GPATCH2: variants seen among roughly 807,000 people sequenced by gnomAD.
GPATCH2 encodes the protein G patch domain-containing protein 2.
GPATCH2 carries 51 observed loss-of-function variants against 58.0 expected under a neutral mutation model. The ratio of observed to expected loss-of-function variants is 0.88; its 90% CI spans 0.70 to 1.11. The LOEUF is 1.11. GPATCH2 is among the 50% of genes most tolerant of loss of function. GPATCH2 has a pLI of 0.00. For missense variants in GPATCH2, 625 were observed against 652.2 expected (o/e 0.96, Z 0.45); for synonymous variants, 222 against 218.5 (o/e 1.02, Z -0.14).
In GPATCH2 at chr1:217,600,902, T is replaced by C. The variant is rs560356866; in HGVS notation, c.1098+9419A>G. On this transcript the variant is annotated intron_variant, in intron 5 of 9. Transcript: ENST00000366935. ...ACGTATTTTTAGAAAACCTTACATT[T>C]GCAAATTCAATGTTTTTAAAGACAT... 2.4e-4 allele frequency among the ~76,000 whole-genome samples: 37 copies of C among 152,222 alleles called. 1 individual carries two copies. Among genetic ancestry groups the C allele is most frequent in the African/African-American group, 8.9e-4 (37 of 41,576 alleles).
intron 1 of GPATCH2, among the ~76,000 whole-genome samples, chr1:217,629,755 A>T (rs1669647870): frequency 1.3e-5 from 2 of 152,222 alleles, no homozygotes; most frequent in Non-Finnish European, 2.9e-5. Flanking sequence ...AAACTGGTTC[A>T]TTTAAAAAAT....
In GPATCH2 at chr1:217,430,911, A is replaced by T; in HGVS notation, c.*234T>A. On this transcript the variant is annotated 3_prime_UTR_variant, in exon 10 of 10. Coordinates refer to ENST00000366935, the MANE Select transcript of GPATCH2 (RefSeq NM_018040.5). ...GAAACGAGCTGCTCTTTATACCTAG[A>T]AATAGCTGGAAATTACTGAAAAAAA... The T allele has an allele frequency of 1.8e-6, 1 of 555,024 alleles. No individual in the cohort carries two copies. The highest frequency in any genetic ancestry group is 3.2e-6 in the Non-Finnish European group (1 of 312,486). The allele number at this position is 555,024 out of a possible 1,614,324, so 34.4% of individuals were successfully genotyped here.
At chr1:217,553,131 T>C (rs1489359532) in intron 5 of GPATCH2, among the ~76,000 whole-genome samples, 2 of 152,040 alleles carry the variant, frequency 1.3e-5, no homozygotes, top group African/African-American at 2.4e-5. Flanking sequence ...ATCATTTCCC[T>C]TAAAAGACAG....
rs1475087709 is a variant in GPATCH2 at position 217,429,051 on chromosome 1, G to A, written c.*2094C>T. The A allele has an allele frequency of 6.6e-6, 1 of 152,056 alleles. No individual in the cohort carries two copies. The highest frequency in any genetic ancestry group is 2.4e-5 in the African/African-American group (1 of 41,400). The allele number at this position is 152,056 out of a possible 1,614,324, so 9.4% of individuals were successfully genotyped here. A position where few individuals can be genotyped will look rare whatever the true frequency, so the allele number is the denominator to read the frequency against. ...GTTTGCTCTCAGTGGCTTCAAACTT[G>A]GCTTTTTGAGATTCTAGGATTTTAG... On this transcript the variant is annotated 3_prime_UTR_variant, in exon 10 of 10. Transcript: ENST00000366935.
chr1:217,536,602 T>TA (rs1259058786), intron 5 of GPATCH2, among the ~76,000 whole-genome samples: 1 of 152,180 alleles, frequency 6.6e-6, no homozygotes, highest in African/African-American at 2.4e-5. Flanking sequence ...GCTTGCTTTC[T>TA]AGTAATTAGA....
chr1:217,611,207 T>C (rs983572469), intron 3 of GPATCH2, 136 bp from the exon 4 acceptor site: 19 of 737,290 alleles, frequency 2.6e-5, no homozygotes, highest in East Asian at 2.1e-4. Context: ...ACTTTTAATA[T>C]AAGTATTATA....
intron 1 of GPATCH2, among the ~76,000 whole-genome samples, chr1:217,624,873 T>C (rs1669375733): frequency 1.3e-5 from 2 of 152,326 alleles, no homozygotes; most frequent in East Asian, 1.9e-4. Flanking sequence ...ACAGTTAATA[T>C]TGGGTAATAT....
chr1:217,547,683 C>A (rs2102659265), intron 5 of GPATCH2, among the ~76,000 whole-genome samples: 1 of 152,280 alleles, frequency 6.6e-6, no homozygotes, highest in South Asian at 2.1e-4. Context: ...GAATACTATG[C>A]ACCCATAAAA....
intron 8 of GPATCH2, among the ~76,000 whole-genome samples, chr1:217,471,062 T>C (rs1660704090): frequency 6.6e-6 from 1 of 151,956 alleles, no homozygotes; most frequent in Non-Finnish European, 1.5e-5. Context: ...ACTTTTAAAG[T>C]TAGTTTAAAA....
chr1:217,597,056 T>C (rs1667866512), intron 5 of GPATCH2, among the ~76,000 whole-genome samples: 1 of 151,878 alleles, frequency 6.6e-6, no homozygotes, highest in East Asian at 1.9e-4. Flanking sequence ...AGGCCAGGTG[T>C]GGTGGCTCAT....
rs1227691894 is a variant in GPATCH2 at position 217,619,946 on chromosome 1, AT to A, written c.609del (p.Glu203AspfsTer12). ...MDSDRAYQYQ[E>X]FTKNKVKKRK... ...CTTTTTTTGACTTTGTTCTTGGTAA[AT>A]TCTTGATACTGGTAGGCTCTATCAC... On this transcript the variant is annotated frameshift_variant, in exon 2 of 10. Coordinates refer to ENST00000366935, the MANE Select transcript of GPATCH2 (RefSeq NM_018040.5). LOFTEE classifies it high-confidence loss of function. 2 of 1,613,652 alleles carry A rather than the reference AT, an allele frequency of 1.2e-6. No individual in the cohort carries two copies. The highest frequency in any genetic ancestry group is 1.7e-6 in the Non-Finnish European group (2 of 1,179,954).
chr1:217,448,487 A>G (rs1023779380), intron 9 of GPATCH2, among the ~76,000 whole-genome samples: 2 of 152,170 alleles, frequency 1.3e-5, no homozygotes, highest in South Asian at 2.1e-4. Context: ...GCTTCCTCCT[A>G]TCACTGACTT....
At chr1:217,479,939 G>A (rs563289151) in intron 8 of GPATCH2, among the ~76,000 whole-genome samples, 9 of 151,638 alleles carry the variant, frequency 5.9e-5, no homozygotes, top group Non-Finnish European at 1.0e-4. Context: ...ATGATAAAGG[G>A]GTCAATTCAG....
chr1:217,539,474 C>T (rs1173585047), intron 5 of GPATCH2, among the ~76,000 whole-genome samples: 2 of 152,160 alleles, frequency 1.3e-5, no homozygotes, highest in Non-Finnish European at 2.9e-5. Flanking sequence ...TTTTGTTCCT[C>T]TTGTCCTACA....
intron 5 of GPATCH2, among the ~76,000 whole-genome samples, chr1:217,559,402 G>A (rs568744373): frequency 2.0e-5 from 3 of 151,466 alleles, no homozygotes; most frequent in East Asian, 1.9e-4. Context: ...AGCCTTCAAC[G>A]GCCCCTCCAT....
At chr1:217,609,877 T>A in intron 5 of GPATCH2, 1 of 1,052,826 alleles carries the variant, frequency 9.5e-7, no homozygotes, top group Non-Finnish European at 1.1e-6. Flanking sequence ...ATAAATGGAT[T>A]CAATGTAAAA....
chr1:217,529,504 GTC>G (rs1358787447), intron 5 of GPATCH2, among the ~76,000 whole-genome samples: 2 of 152,162 alleles, frequency 1.3e-5, no homozygotes, highest in Non-Finnish European at 2.9e-5. Flanking sequence ...CTTCACACAT[GTC>G]TGTTTCCCCT....
At chr1:217,506,416 T>G (rs546696075) in intron 6 of GPATCH2, among the ~76,000 whole-genome samples, 1 of 152,236 alleles carries the variant, frequency 6.6e-6, no homozygotes, top group South Asian at 2.1e-4. Context: ...CCTAACCCAA[T>G]ATACTATAAC....
intron 9 of GPATCH2, among the ~76,000 whole-genome samples, chr1:217,448,119 A>G (rs1659475948): frequency 6.7e-6 from 1 of 149,574 alleles, no homozygotes; most frequent in African/African-American, 2.5e-5. Flanking sequence ...AAAAAAAAAT[A>G]GAGAATGTAA....
Sources: gnomAD v4.1 joint callset for allele counts (sites outside exome capture counted in the v4.1 genomes callset) on GRCh38, gnomAD v4.1.1 for gene constraint, MANE v1.5 for transcripts, NCBI Gene and HGNC (gene_info 2026-07-23, HGNC 2026-07-21) for gene names.